C1orf21: variants seen among roughly 807,000 people sequenced by gnomAD.
The protein encoded by C1orf21 is uncharacterized protein C1orf21.
Under a neutral mutation model 18.7 loss-of-function variants are expected in C1orf21, and 3 were observed. That is an observed-to-expected ratio of 0.16 (90% CI 0.07 to 0.42). The LOEUF is 0.42. C1orf21 is among the 10% of genes least tolerant of loss of function. The pLI, the probability that C1orf21 is intolerant of heterozygous loss-of-function variation, is 0.99. For missense variants in C1orf21, 104 were observed against 143.6 expected (o/e 0.72, Z 1.41); for synonymous variants, 41 against 46.4 (o/e 0.88, Z 0.47).
rs535695957 is a variant in C1orf21 at position 184,506,619 on chromosome 1, A to G, written c.95-969A>G. On this transcript the variant is annotated intron_variant, in intron 2 of 5. Coordinates refer to ENST00000235307, the MANE Select transcript of C1orf21 (RefSeq NM_030806.4). Reference sequence around the variant, plus strand: ...AGTTTGTTGGTTGATGATATTTTCTAATTTCACAATTTCTGTGATGTTTCC... The same window carrying G: ...AGTTTGTTGGTTGATGATATTTTCTGATTTCACAATTTCTGTGATGTTTCC... Among the ~76,000 whole-genome samples the G allele has an allele frequency of 1.1e-4, 16 of 152,312 alleles. No individual in the cohort carries two copies. The South Asian group carries it at 2.9e-3, about 28-fold the overall frequency.
At chr1:184,540,856 A>G (rs974336171) in intron 3 of C1orf21, among the ~76,000 whole-genome samples, 1 of 152,246 alleles carries the variant, frequency 6.6e-6, no homozygotes, top group African/African-American at 2.4e-5. Context: ...CAAATAGCGT[A>G]AATGCCATCA....
intron 1 of C1orf21, among the ~76,000 whole-genome samples, chr1:184,434,706 A>G (rs1369640525): frequency 6.6e-6 from 1 of 152,184 alleles, no homozygotes; most frequent in East Asian, 1.9e-4. Flanking sequence ...CAGGGTTCCA[A>G]AGAAGAGTTG....
At chr1:184,388,077 C>T (rs910855892) in intron 1 of C1orf21, among the ~76,000 whole-genome samples, 1 of 152,208 alleles carries the variant, frequency 6.6e-6, no homozygotes, top group Non-Finnish European at 1.5e-5. Flanking sequence ...TGCCTTTGGT[C>T]TGCTGGTTAA....
intron 3 of C1orf21, among the ~76,000 whole-genome samples, chr1:184,544,838 A>G (rs1658705966): frequency 6.6e-6 from 1 of 152,142 alleles, no homozygotes; most frequent in Non-Finnish European, 1.5e-5. Context: ...AGGGGAATTC[A>G]CTTCCCAAGC....
chr1:184,498,991 A>C (rs1377826499), intron 2 of C1orf21, among the ~76,000 whole-genome samples: 1 of 152,212 alleles, frequency 6.6e-6, no homozygotes. Context: ...TCCACTTCAT[A>C]AAGCTGTTGT....
chr1:184,460,735 T>C (rs867854531), intron 1 of C1orf21, among the ~76,000 whole-genome samples: 3 of 133,720 alleles, frequency 2.2e-5, no homozygotes, highest in African/African-American at 8.4e-5. Flanking sequence ...TTTTAAGAAA[T>C]GGGGTCTCAT....
intron 2 of C1orf21, among the ~76,000 whole-genome samples, chr1:184,478,606 G>T (rs1399261256): frequency 6.6e-6 from 1 of 152,152 alleles, no homozygotes; most frequent in African/African-American, 2.4e-5. Context: ...ACGCTTCCCC[G>T]GTGCATGCAC....
intron 1 of C1orf21, among the ~76,000 whole-genome samples, chr1:184,392,139 A>G (rs1315924628): frequency 6.6e-6 from 1 of 152,226 alleles, no homozygotes; most frequent in Non-Finnish European, 1.5e-5. Flanking sequence ...GATTTGGTGA[A>G]TAACAGTGCC....
chr1:184,414,854 C>A (rs554606675), intron 1 of C1orf21, among the ~76,000 whole-genome samples: 2 of 152,288 alleles, frequency 1.3e-5, no homozygotes, highest in South Asian at 4.1e-4. Context: ...GTTCTTTTGG[C>A]CACCTTTAGG....
At chr1:184,555,702 G>A (rs1658868679) in intron 3 of C1orf21, among the ~76,000 whole-genome samples, 4 of 152,116 alleles carry the variant, frequency 2.6e-5, no homozygotes, top group Admixed American at 2.6e-4. Context: ...AGGAGTTGGG[G>A]GAGGAGGACT....
At chr1:184,569,951 A>AG (rs2101989455) in intron 3 of C1orf21, among the ~76,000 whole-genome samples, 1 of 152,332 alleles carries the variant, frequency 6.6e-6, no homozygotes, top group East Asian at 1.9e-4. Flanking sequence ...AAAAAGTAGC[A>AG]TGGACACTGC....
At chr1:184,505,685 C>T (rs1464776368) in intron 2 of C1orf21, among the ~76,000 whole-genome samples, 1 of 151,790 alleles carries the variant, frequency 6.6e-6, no homozygotes, top group Non-Finnish European at 1.5e-5. Flanking sequence ...ATTGCTTGAA[C>T]CCGGGAGGCG....
intron 2 of C1orf21, among the ~76,000 whole-genome samples, chr1:184,478,015 A>C (rs534852257): frequency 6.6e-6 from 1 of 152,320 alleles, no homozygotes; most frequent in Non-Finnish European, 1.5e-5. Context: ...GATCATCTAC[A>C]TCATAATTTA....
chr1:184,558,423 A>G (rs1186573743), intron 3 of C1orf21, among the ~76,000 whole-genome samples: 1 of 152,228 alleles, frequency 6.6e-6, no homozygotes, highest in Non-Finnish European at 1.5e-5. Context: ...AGTAGTTGCT[A>G]GGATTTTTTA....
chr1:184,413,604 A>G (rs1656395655), intron 1 of C1orf21, among the ~76,000 whole-genome samples: 1 of 152,158 alleles, frequency 6.6e-6, no homozygotes, highest in Non-Finnish European at 1.5e-5. Context: ...TGTTTCTGAA[A>G]AACGCCCAGG....
intron 3 of C1orf21, among the ~76,000 whole-genome samples, chr1:184,524,177 G>T (rs1013269023): frequency 1.3e-5 from 2 of 152,096 alleles, no homozygotes; most frequent in Non-Finnish European, 2.9e-5. Context: ...TGAGATCCTT[G>T]TCTGTTTTAT....
intron 5 of C1orf21, among the ~76,000 whole-genome samples, chr1:184,603,453 A>G (rs893432132): frequency 2.5e-4 from 38 of 152,228 alleles, no homozygotes; most frequent in Non-Finnish European, 4.0e-4. Flanking sequence ...CATTTCAGAA[A>G]AACTCTGAGA....
chr1:184,577,942 G>GT (rs1558006928), intron 3 of C1orf21, among the ~76,000 whole-genome samples: 19 of 109,650 alleles, frequency 1.7e-4, no homozygotes, highest in African/African-American at 6.7e-4. Flanking sequence ...TTTGTTTTTT[G>GT]TTTTGTTTTT....
At chr1:184,595,047 G>A (rs889245195) in intron 4 of C1orf21, among the ~76,000 whole-genome samples, 7 of 152,208 alleles carry the variant, frequency 4.6e-5, no homozygotes, top group Admixed American at 4.6e-4. Context: ...AGGGTGCAGA[G>A]TTAATTCACA....
Sources: allele counts gnomAD v4.1 joint callset (sites outside exome capture counted in the v4.1 genomes callset), GRCh38; gene constraint gnomAD v4.1.1; transcripts MANE v1.5; gene names NCBI Gene and HGNC (gene_info 2026-07-23, HGNC 2026-07-21).